ANO1: variants seen among roughly 807,000 people sequenced by gnomAD.
ANO1 encodes the protein anoctamin 1, also known as anoctamin-1.
In ANO1, 59 loss-of-function variants were observed where a neutral mutation model predicts 124.0. The observed-to-expected ratio is 0.48, with a 90% CI of 0.39 to 0.59. The LOEUF is 0.59. Ranked by LOEUF, ANO1 falls within the 20% of genes least tolerant of loss-of-function variation. The pLI is 0.00. For missense variants in ANO1, 1,059 were observed against 1,328.0 expected (o/e 0.80, Z 3.15); for synonymous variants, 529 against 532.0 (o/e 0.99, Z 0.08).
the ANO1 span, among the ~76,000 whole-genome samples, chr11:69,980,529 G>A: frequency 6.6e-6 from 1 of 151,954 alleles, no homozygotes; most frequent in South Asian, 2.1e-4. Context: ...GCTGAGGCAG[G>A]AGAATGGCGT....
intron 2 of ANO1, among the ~76,000 whole-genome samples, chr11:70,091,620 C>A (rs993994736): frequency 4.6e-5 from 7 of 152,154 alleles, no homozygotes; most frequent in Non-Finnish European, 2.9e-5. Context: ...GACAGATGAG[C>A]AAGACGGTCC....
chr11:70,043,718 C>CA (rs1277048847), intron 1 of ANO1, among the ~76,000 whole-genome samples: 25 of 151,982 alleles, frequency 1.6e-4, no homozygotes, highest in African/African-American at 5.1e-4. Context: ...CTATACTCAG[C>CA]AAAAATATAT....
chr11:70,179,940 G>A, intron 22 of ANO1, 64 bp from the exon 23 acceptor site: 3 of 1,496,098 alleles, frequency 2.0e-6, no homozygotes, highest in Non-Finnish European at 2.8e-6. Context: ...TCAGACTGCT[G>A]CCTGGTAGCT....
intron 6 of ANO1, among the ~76,000 whole-genome samples, chr11:70,109,541 G>A (rs1203539678): frequency 6.6e-6 from 1 of 152,220 alleles, no homozygotes; most frequent in South Asian, 2.1e-4. Flanking sequence ...ACACACGACT[G>A]CAGTGAGGTC....
Position 70,069,981 on chromosome 11 carries a change from G to T in ANO1, c.59-8561G>T, listed in dbSNP as rs559921910. 2.6e-5 allele frequency among the ~76,000 whole-genome samples: 4 copies of T among 152,262 alleles called. No homozygotes were observed. In the East Asian group the frequency reaches 5.8e-4, roughly 22 times the overall value. ...CTAACCCTATATGACACGGATCTTT[G>T]GATTTTGTCTACATAAGCGAAGGGA... On this transcript the variant is annotated intron_variant, in intron 1 of 27. Transcript: ENST00000531349.
intron 11 of ANO1, among the ~76,000 whole-genome samples, chr11:70,139,742 A>G (rs965190188): frequency 3.9e-5 from 6 of 152,230 alleles, no homozygotes; most frequent in Admixed American, 1.3e-4. Flanking sequence ...TGGTAGAACA[A>G]TTGATATTCC....
At chr11:69,992,750 G>T (rs782716266) in intron 1 of ANO1, among the ~76,000 whole-genome samples, 1 of 152,124 alleles carries the variant, frequency 6.6e-6, no homozygotes, top group Non-Finnish European at 1.5e-5. Flanking sequence ...TGAGGCCTTC[G>T]TCTCTCCCCG....
At chr11:69,992,185 AGTAGGTGAATGGATGGATG>A (rs1345290083) in intron 1 of ANO1, among the ~76,000 whole-genome samples, 1 of 151,406 alleles carries the variant, frequency 6.6e-6, no homozygotes, top group Non-Finnish European at 1.5e-5. Flanking sequence ...ATGGATGGAT[AGTAGGTGAATGGATGGATG>A]GACGAATGGA....
At chr11:70,058,009 G>A (rs1373767576) in intron 1 of ANO1, among the ~76,000 whole-genome samples, 11 of 152,340 alleles carry the variant, frequency 7.2e-5, no homozygotes, top group Non-Finnish European at 1.3e-4. Context: ...TGGTGGCATG[G>A]GTAATTAGAG....
rs898540554 is a variant in ANO1, at chr11:70,083,100, A to T, written c.108+4386A>T. On this transcript the variant is annotated intron_variant, in intron 1 of 25. Transcript: ENST00000355303. ...AAAGTCTGGATTTGGCACTGCTACCATCTTTCACTTGTGGTCCACTCTGGC... is the reference window on the plus strand; with the variant it reads ...AAAGTCTGGATTTGGCACTGCTACCTTCTTTCACTTGTGGTCCACTCTGGC... Among the ~76,000 whole-genome samples, 8 of 152,150 alleles carry T rather than the reference A, an allele frequency of 5.3e-5. No homozygotes were observed. In the East Asian group the frequency reaches 1.4e-3, roughly 26 times the overall value.
intron 11 of ANO1, among the ~76,000 whole-genome samples, chr11:70,133,973 C>T (rs1235913213): frequency 6.6e-6 from 1 of 152,232 alleles, no homozygotes; most frequent in Non-Finnish European, 1.5e-5. Flanking sequence ...CAGAGGCCGC[C>T]AGCTCTGAGC....
rs1168600535 is a variant in ANO1 at position 70,167,357 on chromosome 11, G to A, written c.2167G>A (p.Ala723Thr). The change falls in exon 21 of 26, where the codon GCG becomes ACG. Residue 723 changes from alanine to threonine, a missense_variant. Ala to Thr is a moderately conservative substitution (Grantham distance 58). Around this residue, in one of 2 missense-constraint regions of ANO1, gnomAD observed 809 missense variants for 1,094.9 expected, o/e 0.74. Coordinates refer to ENST00000355303, the MANE Select transcript of ANO1 (RefSeq NM_018043.7). ...GGTGGATTACAACCTGGAGCCCTTC[G>A]CGGGCCTCACCCCAGAGTACATGGA... ...YEVDYNLEPF[A>T]GLTPEYMEMI... The A allele has an allele frequency of 5.0e-6, 8 of 1,613,128 alleles. No homozygotes were observed. The highest frequency in any genetic ancestry group is 2.2e-5 in the South Asian group (2 of 90,926).
At chr11:70,107,064 C>T (rs904136112) in intron 5 of ANO1, among the ~76,000 whole-genome samples, 27 of 152,120 alleles carry the variant, frequency 1.8e-4, no homozygotes, top group Admixed American at 1.8e-3. Flanking sequence ...TGGTCATAAA[C>T]ATGGGCCATA....
At chr11:70,045,743 A>C (rs1345729846) in intron 1 of ANO1, among the ~76,000 whole-genome samples, 6 of 152,128 alleles carry the variant, frequency 3.9e-5, no homozygotes, top group African/African-American at 1.2e-4. Context: ...TTTCAAGATG[A>C]GCTCTCCTCA....
intron 2 of ANO1, among the ~76,000 whole-genome samples, chr11:70,095,303 A>AAAGAAAGAAGGAAGGAAGGAAG (rs1565193330): frequency 2.7e-5 from 1 of 36,734 alleles, no homozygotes; most frequent in Non-Finnish European, 5.6e-5. Context: ...AAGGAAGGAA[A>AAAGAAAGAAGGAAGGAAGGAAG]GAAAGAAAGA....
At chr11:70,040,823 C>T (rs1555004964) in intron 1 of ANO1, among the ~76,000 whole-genome samples, 1 of 152,168 alleles carries the variant, frequency 6.6e-6, no homozygotes, top group African/African-American at 2.4e-5. Flanking sequence ...CATCTGAAGG[C>T]CAGGGCTATG....
intron 1 of ANO1, among the ~76,000 whole-genome samples, chr11:70,007,828 C>T (rs1342057232): frequency 2.0e-5 from 3 of 152,146 alleles, no homozygotes; most frequent in Non-Finnish European, 4.4e-5. Flanking sequence ...ATGCTGTTTC[C>T]ACTGCAGTGA....
upstream of ANO1, among the ~76,000 whole-genome samples, chr11:69,983,277 A>C (rs1394390471): frequency 6.6e-6 from 1 of 151,984 alleles, no homozygotes; most frequent in Non-Finnish European, 1.5e-5. Context: ...AACCCCGCCC[A>C]ATTCAGGGGA....
chr11:70,036,293 C>T (rs1776400694), intron 1 of ANO1, among the ~76,000 whole-genome samples: 1 of 152,240 alleles, frequency 6.6e-6, no homozygotes, highest in African/African-American at 2.4e-5. Context: ...TTTTCCTCTT[C>T]TACCTGTGTC....
Sources: gnomAD v4.1 joint callset for allele counts (sites outside exome capture counted in the v4.1 genomes callset) on GRCh38, gnomAD v4.1.1 for gene constraint, gnomAD v4.1.1 regional missense constraint, MANE v1.5 for transcripts, NCBI Gene and HGNC (gene_info 2026-07-23, HGNC 2026-07-21) for gene names.